KEL: variants seen among roughly 807,000 people sequenced by gnomAD.
The protein encoded by KEL is kell blood group glycoprotein.
A neutral mutation model predicts 99.5 loss-of-function variants in KEL; 96 were observed. The observed-to-expected ratio is 0.97, with a 90% confidence interval of 0.82 to 1.14. The LOEUF is 1.14. Among genes scored for constraint, KEL ranks in the 50% most tolerant of loss-of-function variants. The pLI, the probability that KEL is intolerant of heterozygous loss-of-function variation, is 0.00. For missense variants in KEL, 926 were observed against 924.2 expected (o/e 1.00, Z -0.03); for synonymous variants, 355 against 354.8 (o/e 1.00, Z -0.01).
At position 142,961,472 on chromosome 7, in the gene KEL, T is replaced by C. The variant is rs752646001; in HGVS notation, c.111A>G (p.Glu37=). The C allele has an allele frequency of 2.9e-5, 47 of 1,607,152 alleles. No homozygotes were observed. In the South Asian group the frequency reaches 5.2e-4, roughly 18 times the overall value. The part of the protein sequence containing the change: ...ESTPEERLPV[E]GSRPWAVARR... The stretch of plus-strand genomic sequence containing the variant: ...TGGCCACTGCCCATGGCCTGCTCCC[T>C]TCCACGGGCAGCCTCTCTTCTGGAG... Residue 37 remains glutamate, a synonymous_variant, in exon 3 of 19, where the codon GAA becomes GAG. Coordinates refer to ENST00000355265, the MANE Select transcript of KEL (RefSeq NM_000420.3).
chr7:142,941,625 A>G (rs1356877372), intron 18 of KEL, among the ~76,000 whole-genome samples: 2 of 152,146 alleles, frequency 1.3e-5, no homozygotes, highest in Admixed American at 1.3e-4. Flanking sequence ...CCATTTATCA[A>G]TGACAGAGAG....
At position 142,941,189 on chromosome 7, in the gene KEL, C is replaced by T. The variant is rs1416708384; in HGVS notation, c.*63G>A. On this transcript the variant is annotated 3_prime_UTR_variant, in exon 19 of 19. Transcript: ENST00000355265. ...CAGAAAGGAAATCTTGCTCTGATTC[C>T]ATGGATGTGACCAGGGAGGTGTTGG... is the stretch of plus-strand genomic sequence containing the variant. The T allele has an allele frequency of 6.4e-7, 1 of 1,559,844 alleles. No individual in the cohort carries two copies. Among genetic ancestry groups the T allele is most frequent in the Non-Finnish European group, 8.8e-7 (1 of 1,131,138 alleles).
At chr7:142,942,280 AG>A (rs1283683634) in intron 18 of KEL, 153 bp downstream of exon 18, 2 of 653,514 alleles carry the variant, frequency 3.1e-6, no homozygotes, top group Non-Finnish European at 5.6e-6. Context: ...TCCAAGGGGT[AG>A]GGAGGGAAGA....
chr7:142,943,762 G>A (rs753806860), intron 14 of KEL, 21 bp downstream of exon 14: 1 of 1,603,926 alleles, frequency 6.2e-7, no homozygotes, highest in South Asian at 1.1e-5. Context: ...TGGAGTGCCT[G>A]TGTCTCCCCT....
At chr7:142,952,368 T>C in intron 10 of KEL, 141 bp downstream of exon 10, 1 of 1,112,552 alleles carries the variant, frequency 9.0e-7, no homozygotes, top group Non-Finnish European at 1.4e-6. Context: ...CCAACTTGCC[T>C]GCTTCTATGG....
chr7:142,957,745 C>A (rs1305976589), intron 6 of KEL, 82 bp downstream of exon 6: 9 of 1,567,102 alleles, frequency 5.7e-6, no homozygotes, highest in African/African-American at 1.4e-5. Context: ...TCTTCCCAAC[C>A]TGCAACCTTC....
At position 142,953,938 on chromosome 7, in the gene KEL, C is replaced by T. The variant is rs374530605; in HGVS notation, c.943G>A (p.Asp315Asn). 187 of 1,613,998 alleles carry T rather than the reference C, an allele frequency of 1.2e-4. No individual in the cohort carries two copies. Among genetic ancestry groups the T allele is most frequent in the African/African-American group, 1.6e-4 (12 of 74,996 alleles). Residue 315 changes from aspartate to asparagine, a missense_variant, in exon 9 of 19, where the codon GAC (aspartate) becomes AAC (asparagine). Transcript: ENST00000355265. ...DQLKEMAPAI[D>N]WLSCLQATFT... Reference sequence around the variant, plus strand: ...GTCGCTTGCAAGCAGGACAACCAGTCGATGGCGGGGGCCATTTCCTTAGAG... The same window carrying T: ...GTCGCTTGCAAGCAGGACAACCAGTTGATGGCGGGGGCCATTTCCTTAGAG...
rs761702878 is a variant in KEL, at chr7:142,961,785, G to A, written c.81+10C>T. ...AGTGTATTCCAGACCCAGGAGAGGA[G>A]GCCACTTACCTCTTGGCTCCAGAGA... On this transcript the variant is annotated intron_variant, in intron 2 of 18. Transcript: ENST00000355265. 4.3e-6 allele frequency: 7 copies of A among 1,610,760 alleles called. No individual in the cohort carries two copies. The African/African-American group carries it at 8.0e-5, about 18-fold the overall frequency.
chr7:142,960,419 T>G (rs949038419), intron 4 of KEL, among the ~76,000 whole-genome samples: 2 of 152,182 alleles, frequency 1.3e-5, no homozygotes, highest in Non-Finnish European at 2.9e-5. Flanking sequence ...GAGGGTAATG[T>G]TGACAAGGAG....
chr7:142,958,707 G>A (rs1586271079), intron 4 of KEL, among the ~76,000 whole-genome samples: 1 of 152,206 alleles, frequency 6.6e-6, no homozygotes, highest in Non-Finnish European at 1.5e-5. Context: ...ATTTGCATCT[G>A]TAAAGCATCT....
chr7:142,960,867 G>T, intron 4 of KEL, 61 bp downstream of exon 4: 1 of 1,504,026 alleles, frequency 6.6e-7, no homozygotes, highest in Non-Finnish European at 9.3e-7. Flanking sequence ...GAGCAGTCAT[G>T]GTCATTTTAG....
chr7:142,957,658 C>A (rs116275393), intron 6 of KEL, among the ~76,000 whole-genome samples, 169 bp downstream of exon 6: 129 of 152,322 alleles, frequency 8.5e-4, no homozygotes, highest in African/African-American at 3.0e-3. Flanking sequence ...TTCCCACCCC[C>A]AGCTAATGTC....
chr7:142,958,878 TTCTA>T (rs1796892877), intron 4 of KEL, among the ~76,000 whole-genome samples: 1 of 152,186 alleles, frequency 6.6e-6, no homozygotes, highest in African/African-American at 2.4e-5. Context: ...AACATTCCCT[TTCTA>T]TCTATCCCAG....
At chr7:142,942,140 G>C (rs1176473381) in intron 18 of KEL, 3 of 494,434 alleles carry the variant, frequency 6.1e-6, no homozygotes, top group African/African-American at 3.9e-5. Flanking sequence ...CTGTATTTTG[G>C]GGGTATGAGA....
intron 10 of KEL, among the ~76,000 whole-genome samples, chr7:142,947,661 C>T (rs577841839): frequency 6.6e-6 from 1 of 152,316 alleles, no homozygotes; most frequent in Admixed American, 6.5e-5. Flanking sequence ...AGTGAGTCTT[C>T]TGCTTCAGTC....
At chr7:142,945,717 C>T (rs184861398) in intron 11 of KEL, among the ~76,000 whole-genome samples, 7 of 151,982 alleles carry the variant, frequency 4.6e-5, no homozygotes, top group East Asian at 1.9e-4. Context: ...CAACCTCTGC[C>T]GCCCAGGTTC....
Position 142,958,322 on chromosome 7 carries a change from G to T in KEL, c.507C>A (p.Leu169=). The T allele has an allele frequency of 6.2e-7, 1 of 1,614,118 alleles. No homozygotes were observed. The highest frequency in any genetic ancestry group is 8.5e-7 in the Non-Finnish European group (1 of 1,180,012). Residue 169 remains leucine (L), a synonymous_variant, in exon 5 of 19, where the codon CTC becomes CTA. Coordinates refer to ENST00000355265, the MANE Select transcript of KEL (RefSeq NM_000420.3). The part of the protein sequence containing the change: ...LAIEAAGTGP[L]RQVIEELGGW... ...TTCTCACCTCCTCAATAACTTGTCT[G>T]AGGGGACCAGTCCCTGCAGCTTCAA... is the stretch of plus-strand genomic sequence containing the variant.
intron 10 of KEL, among the ~76,000 whole-genome samples, chr7:142,950,706 T>C (rs2116660738): frequency 6.6e-6 from 1 of 152,282 alleles, no homozygotes; most frequent in South Asian, 2.1e-4. Flanking sequence ...CAGAGTTGAG[T>C]AGTTTGTAAC....
intron 1 of KEL, 46 bp downstream of exon 1, chr7:142,962,158 C>T: frequency 1.3e-6 from 2 of 1,596,448 alleles, no homozygotes; most frequent in Non-Finnish European, 1.7e-6. Context: ...CACACAGCCA[C>T]CCTCACCCCT....
Sources: allele counts gnomAD v4.1 joint callset (sites outside exome capture counted in the v4.1 genomes callset), GRCh38; gene constraint gnomAD v4.1.1; transcripts MANE v1.5; gene names NCBI Gene and HGNC (gene_info 2026-07-23, HGNC 2026-07-21).